TAPT1: variants seen among roughly 807,000 people sequenced by gnomAD.
The protein encoded by TAPT1 is transmembrane anterior posterior transformation 1.
A neutral mutation model predicts 65.6 loss-of-function variants in TAPT1; 28 were observed. The observed-to-expected ratio is 0.43, with a 90% CI of 0.32 to 0.59. The LOEUF is 0.59. Among genes scored for constraint, TAPT1 ranks in the 20% least tolerant of loss-of-function variants. The probability of loss-of-function intolerance (pLI) is 0.09; values close to 1 mark genes in which losing one functional copy is unlikely to be tolerated. For missense variants in TAPT1, 563 were observed against 679.9 expected, an observed-to-expected ratio of 0.83 and a Z score of 1.91; for synonymous variants, 278 against 245.2, an observed-to-expected ratio of 1.13 and a Z score of -1.25.
At chr4:16,219,386 A>C (rs1751119826) in intron 1 of TAPT1, among the ~76,000 whole-genome samples, 1 of 152,200 alleles carries the variant, frequency 6.6e-6, no homozygotes, top group African/African-American at 2.4e-5. Context: ...ACTCTTTACT[A>C]GTTGCTCCCT....
chr4:16,176,436 G>A (rs762842383), intron 8 of TAPT1: 11 of 347,456 alleles, frequency 3.2e-5, no homozygotes, highest in Admixed American at 2.0e-4. Context: ...ACTCAGGCCC[G>A]GCGCAGTGGC....
At chr4:16,216,805 C>A (rs1172977160) in intron 1 of TAPT1, among the ~76,000 whole-genome samples, 1 of 152,172 alleles carries the variant, frequency 6.6e-6, no homozygotes, top group African/African-American at 2.4e-5. Context: ...CCCTTCAATG[C>A]TAACTCCACC....
chr4:16,191,267 G>C, intron 4 of TAPT1, 94 bp downstream of exon 4: 2 of 1,279,618 alleles, frequency 1.6e-6, no homozygotes, highest in Non-Finnish European at 2.1e-6. Context: ...AACTAGAGTC[G>C]GTAGAGCATT....
At chr4:16,221,888 C>G (rs1751274858) in intron 1 of TAPT1, among the ~76,000 whole-genome samples, 1 of 152,190 alleles carries the variant, frequency 6.6e-6, no homozygotes, top group Non-Finnish European at 1.5e-5. Flanking sequence ...CTCAATCATA[C>G]AACAGCAATT....
intron 1 of TAPT1, among the ~76,000 whole-genome samples, chr4:16,219,902 A>G (rs1751151545): frequency 6.6e-6 from 1 of 152,216 alleles, no homozygotes; most frequent in African/African-American, 2.4e-5. Context: ...CATCAAAATG[A>G]TCAACCATCT....
chr4:16,172,970 C>A (rs1324040951), intron 11 of TAPT1, among the ~76,000 whole-genome samples: 1 of 151,892 alleles, frequency 6.6e-6, no homozygotes, highest in African/African-American at 2.4e-5. Context: ...ATTACAGGCG[C>A]CTGCCACCAC....
At chr4:16,169,933 A>G (rs1427498673) in intron 12 of TAPT1, among the ~76,000 whole-genome samples, 1 of 152,144 alleles carries the variant, frequency 6.6e-6, no homozygotes, top group East Asian at 1.9e-4. Context: ...TTCAAGTTCG[A>G]ACCCTCTCAG....
Position 16,202,517 on chromosome 4 carries a change from A to C in TAPT1, c.394T>G (p.Leu132Val). Reference protein sequence around the residue: ...AFLYVFTLLPLRVFLALFRLL... With the variant: ...AFLYVFTLLPVRVFLALFRLL... Reference sequence around the variant, plus strand: ...CTGAATAGTGCCAGGAAAACTCTTAAAGGAAGCAGGGTGAACACATACAAA... The same window carrying C: ...CTGAATAGTGCCAGGAAAACTCTTACAGGAAGCAGGGTGAACACATACAAA... Residue 132 changes from leucine (L) to valine (V), a missense_variant, in exon 3 of 14, where the codon TTA (leucine) becomes GTA (valine). Leu to Val is a conservative substitution (Grantham distance 32, BLOSUM62 1). Coordinates refer to ENST00000405303, the MANE Select transcript of TAPT1 (RefSeq NM_153365.3). 1 of 1,553,608 alleles carries C rather than the reference A, an allele frequency of 6.4e-7. No individual in the cohort carries two copies. The highest frequency in any genetic ancestry group is 8.7e-7 in the Non-Finnish European group (1 of 1,148,124).
intron 3 of TAPT1, among the ~76,000 whole-genome samples, chr4:16,193,989 GAT>G (rs1749540654): frequency 1.3e-5 from 2 of 152,328 alleles, no homozygotes; most frequent in African/African-American, 4.8e-5. Context: ...TTAGTTGAGT[GAT>G]CTCAGTCAGA....
chr4:16,215,937 T>C (rs1478733190), intron 1 of TAPT1: 1 of 152,176 alleles, frequency 6.6e-6, no homozygotes. Flanking sequence ...CTCAGTTCAG[T>C]CAGTTTTCCA....
chr4:16,225,998 G>C (rs1751527609), intron 1 of TAPT1: 1 of 998,778 alleles, frequency 1.0e-6, no homozygotes, highest in Non-Finnish European at 1.2e-6. Context: ...GAACTTTCCC[G>C]GCCGCAGACC....
chr4:16,209,508 A>G (rs1750537883), intron 2 of TAPT1, among the ~76,000 whole-genome samples: 1 of 152,268 alleles, frequency 6.6e-6, no homozygotes, highest in African/African-American at 2.4e-5. Context: ...AAATTTTAGA[A>G]GATCCTATAA....
chr4:16,226,571 C>T (rs937495864), upstream of TAPT1: 3 of 737,830 alleles, frequency 4.1e-6, no homozygotes, highest in African/African-American at 1.9e-5. Flanking sequence ...CCGCCGCCGC[C>T]GCCATCCGCG....
chr4:16,195,802 A>G (rs969766927), intron 3 of TAPT1, among the ~76,000 whole-genome samples: 2 of 152,186 alleles, frequency 1.3e-5, no homozygotes, highest in Non-Finnish European at 2.9e-5. Flanking sequence ...TTTCCTCTTT[A>G]GGGGAAGATA....
At chr4:16,169,452 GT>G (rs1331871017) in intron 12 of TAPT1, among the ~76,000 whole-genome samples, 1 of 152,240 alleles carries the variant, frequency 6.6e-6, no homozygotes, top group Non-Finnish European at 1.5e-5. Flanking sequence ...TTGAGGGGCG[GT>G]GTGAGAATCT....
intron 2 of TAPT1, among the ~76,000 whole-genome samples, chr4:16,207,456 C>T (rs908060295): frequency 6.6e-6 from 1 of 152,236 alleles, no homozygotes; most frequent in Admixed American, 6.5e-5. Context: ...AACCCCACCA[C>T]GACCTTCAAA....
chr4:16,226,170 C>A (rs1751544531), intron 1 of TAPT1, 89 bp downstream of exon 1: 2 of 1,052,508 alleles, frequency 1.9e-6, no homozygotes, highest in East Asian at 1.3e-4. Context: ...CCGCGCGGCT[C>A]GGGGGCCGGG....
intron 10 of TAPT1, 41 bp downstream of exon 10, chr4:16,174,629 G>A (rs1347314649): frequency 6.7e-7 from 1 of 1,503,490 alleles, no homozygotes; most frequent in Admixed American, 2.1e-5. Flanking sequence ...TTCAGACTAT[G>A]CCTTTGTTAA....
intron 2 of TAPT1, among the ~76,000 whole-genome samples, chr4:16,208,551 G>A (rs1229588306): frequency 2.0e-5 from 3 of 152,140 alleles, no homozygotes; most frequent in Non-Finnish European, 2.9e-5. Flanking sequence ...ATGTAATGCC[G>A]AGGTTGCAGC....
Sources: gnomAD v4.1 joint callset for allele counts (sites outside exome capture counted in the v4.1 genomes callset) on GRCh38, gnomAD v4.1.1 for gene constraint, MANE v1.5 for transcripts, NCBI Gene and HGNC (gene_info 2026-07-23, HGNC 2026-07-21) for gene names.